NSUN3: variants seen among roughly 807,000 people sequenced by gnomAD.
The protein encoded by NSUN3 is tRNA (cytosine(34)-C(5))-methyltransferase, mitochondrial.
A neutral mutation model predicts 36.8 loss-of-function variants in NSUN3; 24 were observed. The ratio of observed to expected loss-of-function variants is 0.65; its 90% CI spans 0.47 to 0.92. NSUN3 has a LOEUF of 0.92. NSUN3 is among the 40% of genes least tolerant of loss of function. The pLI is 0.00. For missense variants in NSUN3, 381 were observed against 392.8 expected, an observed-to-expected ratio of 0.97 and a Z score of 0.25; for synonymous variants, 146 against 145.2, an observed-to-expected ratio of 1.01 and a Z score of -0.04.
Position 94,128,571 on chromosome 3 carries a change from GTGTGTGTGTGTGTA to G in NSUN3, c.*2083_*2096del, listed in dbSNP as rs1196793864. 6.8e-6 allele frequency: 1 copy of G among 147,268 alleles called. No individual in the cohort carries two copies. The highest frequency in any genetic ancestry group is 1.5e-5 in the Non-Finnish European group (1 of 67,106). 9.1% of individuals were successfully genotyped at this position (147,268 alleles called of 1,614,324 possible). ...TGGATGCACGTGTGTGTGTGTGTGTGTGTGTGTGTGTGTATATATATATATATATATAATTTTAT... is the reference window on the plus strand; with the variant it reads ...TGGATGCACGTGTGTGTGTGTGTGTGTATATATATATATATATAATTTTAT... On this transcript the variant is annotated 3_prime_UTR_variant, in exon 6 of 6. Coordinates refer to ENST00000314622, the MANE Select transcript of NSUN3 (RefSeq NM_022072.5).
chr3:94,097,060 T>A (rs2107257479), intron 5 of NSUN3, among the ~76,000 whole-genome samples: 1 of 152,306 alleles, frequency 6.6e-6, no homozygotes, highest in East Asian at 1.9e-4. Flanking sequence ...TTGTCTCAAT[T>A]AATTATATTT....
At chr3:94,117,042 A>G (rs1191346566) in intron 5 of NSUN3, among the ~76,000 whole-genome samples, 3 of 113,674 alleles carry the variant, frequency 2.6e-5, no homozygotes, top group Non-Finnish European at 3.2e-5. Flanking sequence ...TCTATCATCT[A>G]TGCTGGAGTG....
At chr3:94,072,577 A>C (rs1003797899) in intron 2 of NSUN3, among the ~76,000 whole-genome samples, 16 of 152,180 alleles carry the variant, frequency 1.1e-4, no homozygotes, top group Admixed American at 3.3e-4. Flanking sequence ...CAGATAGGTG[A>C]GAGAGGAAAG....
chr3:94,122,416 A>T (rs185664575), intron 5 of NSUN3, among the ~76,000 whole-genome samples: 1 of 152,206 alleles, frequency 6.6e-6, no homozygotes, highest in African/African-American at 2.4e-5. Context: ...TCTCTAAATA[A>T]TACGTTTATT....
chr3:94,098,119 T>G (rs573382212), intron 5 of NSUN3, among the ~76,000 whole-genome samples: 1 of 152,180 alleles, frequency 6.6e-6, no homozygotes, highest in East Asian at 1.9e-4. Flanking sequence ...TCCCCCTCTC[T>G]TCTCGATTTT....
intron 3 of NSUN3, among the ~76,000 whole-genome samples, chr3:94,087,301 G>T (rs1027579821): frequency 6.6e-6 from 1 of 152,186 alleles, no homozygotes; most frequent in Non-Finnish European, 1.5e-5. Context: ...TAAAATGATG[G>T]CTGCACTAAA....
intron 2 of NSUN3, among the ~76,000 whole-genome samples, chr3:94,068,952 G>T (rs1339001258): frequency 6.6e-6 from 1 of 152,138 alleles, no homozygotes; most frequent in Non-Finnish European, 1.5e-5. Flanking sequence ...CTTAATCTGT[G>T]CAAATCTCTG....
At chr3:94,095,520 G>A (rs1446321757) in intron 5 of NSUN3, among the ~76,000 whole-genome samples, 1 of 152,178 alleles carries the variant, frequency 6.6e-6, no homozygotes, top group African/African-American at 2.4e-5. Flanking sequence ...CAGGATGCAT[G>A]TTTTGTTATT....
chr3:94,064,928 C>T (rs1465580362), intron 2 of NSUN3, among the ~76,000 whole-genome samples: 2 of 152,212 alleles, frequency 1.3e-5, no homozygotes, highest in Non-Finnish European at 2.9e-5. Flanking sequence ...AAAGCCAGCA[C>T]TGCTTTATCT....
intron 5 of NSUN3, among the ~76,000 whole-genome samples, chr3:94,107,833 A>G (rs1172252275): frequency 6.6e-6 from 1 of 152,204 alleles, no homozygotes; most frequent in Non-Finnish European, 1.5e-5. Flanking sequence ...ATCAGAAATG[A>G]GACCACAATT....
At chr3:94,118,174 A>G (rs1252346873) in intron 5 of NSUN3, among the ~76,000 whole-genome samples, 4 of 152,190 alleles carry the variant, frequency 2.6e-5, no homozygotes, top group African/African-American at 9.6e-5. Context: ...ATCATTCTAC[A>G]TTGTAAACAT....
intron 2 of NSUN3, among the ~76,000 whole-genome samples, chr3:94,079,782 C>A (rs921691247): frequency 6.6e-6 from 1 of 152,012 alleles, no homozygotes; most frequent in Non-Finnish European, 1.5e-5. Context: ...TCCATCAGGT[C>A]ATTTATGTTC....
intron 3 of NSUN3, among the ~76,000 whole-genome samples, chr3:94,091,733 G>A (rs1184533369): frequency 6.6e-6 from 1 of 152,198 alleles, no homozygotes; most frequent in East Asian, 1.9e-4. Context: ...AGAAAAAGAG[G>A]AAAGTTGAAT....
chr3:94,109,508 T>C (rs571491310), intron 5 of NSUN3, among the ~76,000 whole-genome samples: 112 of 152,330 alleles, frequency 7.4e-4, no homozygotes, highest in African/African-American at 2.6e-3. Flanking sequence ...GGTGGTAGGC[T>C]TTAAGTGAGC....
At chr3:94,077,078 CAT>C in intron 2 of NSUN3, 1 of 788,462 alleles carries the variant, frequency 1.3e-6, no homozygotes, top group South Asian at 1.3e-5. Context: ...ATCACCAAAT[CAT>C]AAAGAAAAGG....
At chr3:94,097,032 A>G (rs904432939) in intron 5 of NSUN3, among the ~76,000 whole-genome samples, 4 of 152,018 alleles carry the variant, frequency 2.6e-5, no homozygotes, top group African/African-American at 4.8e-5. Flanking sequence ...TATTCTGTCT[A>G]CTGTTTTTCC....
At chr3:94,109,060 A>C (rs1160484021) in intron 5 of NSUN3, among the ~76,000 whole-genome samples, 1 of 152,250 alleles carries the variant, frequency 6.6e-6, no homozygotes, top group African/African-American at 2.4e-5. Context: ...CCCTGTTTTC[A>C]AGCAGCTAAA....
At chr3:94,083,369 C>A (rs1229776328) in intron 2 of NSUN3, among the ~76,000 whole-genome samples, 1 of 152,158 alleles carries the variant, frequency 6.6e-6, no homozygotes, top group Non-Finnish European at 1.5e-5. Flanking sequence ...GTGAGAATGG[C>A]CACAAGGGCC....
At position 94,128,690 on chromosome 3, in the gene NSUN3, T is replaced by C. The variant is rs2077498100; in HGVS notation, c.*2200T>C. On this transcript the variant is annotated 3_prime_UTR_variant, in exon 6 of 6. Coordinates refer to ENST00000314622, the MANE Select transcript of NSUN3 (RefSeq NM_022072.5). Reference sequence around the variant, plus strand: ...AGAGCTTCTGCACAGCAAACTAAACTATCAACAGAGTAGCAGACAACTTAC... The same window carrying C: ...AGAGCTTCTGCACAGCAAACTAAACCATCAACAGAGTAGCAGACAACTTAC... 1 of 151,802 alleles carries C rather than the reference T, an allele frequency of 6.6e-6. No homozygotes were observed. Among genetic ancestry groups the C allele is most frequent in the Non-Finnish European group, 1.5e-5 (1 of 67,960 alleles). 9.4% of individuals were successfully genotyped at this position (151,802 alleles called of 1,614,324 possible).
Sources: gnomAD v4.1 joint callset for allele counts (sites outside exome capture counted in the v4.1 genomes callset) on GRCh38, gnomAD v4.1.1 for gene constraint, MANE v1.5 for transcripts, NCBI Gene and HGNC (gene_info 2026-07-23, HGNC 2026-07-21) for gene names.